The following SMURF2 variants were observed in gnomAD, a reference collection of about 807,000 sequenced individuals.
SMURF2 encodes the protein SMAD specific E3 ubiquitin protein ligase 2.
A neutral mutation model predicts 109.6 loss-of-function variants in SMURF2; 48 were observed. The ratio of observed to expected loss-of-function variants is 0.44; its 90% confidence interval spans 0.35 to 0.56. The LOEUF (loss-of-function observed/expected upper bound fraction) is 0.56, where lower values mean the gene tolerates loss of function less well. Ranked by LOEUF, SMURF2 falls within the 20% of genes least tolerant of loss-of-function variation. The pLI is 0.01. For synonymous variants in SMURF2, 288 were observed against 317.1 expected (o/e 0.91, Z 0.97); for missense variants, 575 against 909.0 (o/e 0.63, Z 4.72).
chr17:64,586,507 G>A (rs1228716295), intron 5 of SMURF2, among the ~76,000 whole-genome samples: 2 of 152,008 alleles, frequency 1.3e-5, no homozygotes, highest in African/African-American at 4.8e-5. Context: ...CCAGCACTTT[G>A]GGAGGCCGAG....
chr17:64,660,025 C>T (rs1970754342), intron 1 of SMURF2, among the ~76,000 whole-genome samples: 1 of 152,052 alleles, frequency 6.6e-6, no homozygotes, highest in Non-Finnish European at 1.5e-5. Context: ...CAATATTCCC[C>T]CTTCCCCTAA....
intron 1 of SMURF2, among the ~76,000 whole-genome samples, chr17:64,631,680 A>C (rs1209718036): frequency 2.0e-5 from 3 of 152,170 alleles, no homozygotes; most frequent in African/African-American, 7.2e-5. Flanking sequence ...ACCATGAAAC[A>C]AACAAAAAAC....
intron 1 of SMURF2, among the ~76,000 whole-genome samples, chr17:64,614,159 A>G (rs1322024985): frequency 6.6e-6 from 1 of 152,192 alleles, no homozygotes; most frequent in Non-Finnish European, 1.5e-5. Context: ...CCCATGGCCC[A>G]GGGTTGAGGA....
At chr17:64,607,623 CAAA>C (rs59894966) in intron 1 of SMURF2, among the ~76,000 whole-genome samples, 5 of 99,838 alleles carry the variant, frequency 5.0e-5, no homozygotes, top group Admixed American at 1.0e-4. Flanking sequence ...AAGACTGTCT[CAAA>C]AAAAAAAAAA....
At chr17:64,599,823 C>T (rs1969869225) in intron 2 of SMURF2, among the ~76,000 whole-genome samples, 1 of 152,162 alleles carries the variant, frequency 6.6e-6, no homozygotes, top group Admixed American at 6.5e-5. Context: ...CTTTAAAGGG[C>T]ATACAGGAGA....
chr17:64,612,112 CTT>C (rs3030767), intron 1 of SMURF2, among the ~76,000 whole-genome samples: 22,272 of 152,030 alleles, frequency 0.15, 2,570 homozygotes, highest in African/African-American at 0.31. Flanking sequence ...GAAGCTCATA[CTT>C]TTATAAACAC....
chr17:64,632,565 TAGTC>T (rs1184741680), intron 1 of SMURF2, among the ~76,000 whole-genome samples: 3 of 152,198 alleles, frequency 2.0e-5, no homozygotes, highest in Admixed American at 6.5e-5. Context: ...TCAAAACACA[TAGTC>T]AGCCTATTTG....
Position 64,591,065 on chromosome 17 carries a change from C to CTTTAAA in SMURF2, c.400+13_400+18dup. 2 of 1,599,272 alleles carry CTTTAAA rather than the reference C, an allele frequency of 1.3e-6. No individual in the cohort carries two copies. Among genetic ancestry groups the CTTTAAA allele is most frequent in the Non-Finnish European group, 1.7e-6 (2 of 1,170,616 alleles). ...CAGTTTGAAACCAAAATTCATGTAA[C>CTTTAAA]TTTAAATTCCACACTTACCTACTAT... On this transcript the variant is annotated intron_variant, in intron 5 of 18. Coordinates refer to ENST00000262435, the MANE Select transcript of SMURF2 (RefSeq NM_022739.4).
intron 1 of SMURF2, among the ~76,000 whole-genome samples, chr17:64,661,540 T>G (rs142271157): frequency 0.05 from 7,641 of 152,208 alleles, 490 homozygotes; most frequent in African/African-American, 0.15. Flanking sequence ...AGGCAGCGTC[T>G]GGCTCCTTGA....
chr17:64,618,247 A>G (rs1393691535), intron 1 of SMURF2, among the ~76,000 whole-genome samples: 1 of 152,206 alleles, frequency 6.6e-6, no homozygotes, highest in Non-Finnish European at 1.5e-5. Flanking sequence ...AGCCTGGGCA[A>G]TATAGTGAGA....
chr17:64,604,616 A>T (rs1969943782), intron 2 of SMURF2, among the ~76,000 whole-genome samples: 1 of 152,178 alleles, frequency 6.6e-6, no homozygotes, highest in South Asian at 2.1e-4. Flanking sequence ...TCAAAACCAG[A>T]GCAGATGTCT....
At chr17:64,561,833 C>G (rs1304847081) in intron 11 of SMURF2, among the ~76,000 whole-genome samples, 1 of 151,758 alleles carries the variant, frequency 6.6e-6, no homozygotes, top group Non-Finnish European at 1.5e-5. Context: ...TCTGTCTATA[C>G]AAAAAGTTTT....
Position 64,543,705 on chromosome 17 carries a change from CCT to C in SMURF2, c.*2141_*2142del, listed in dbSNP as rs1968907734. The C allele has an allele frequency of 6.6e-6, 1 of 151,958 alleles. No homozygotes were observed. Among genetic ancestry groups the C allele is most frequent in the African/African-American group, 2.4e-5 (1 of 41,346 alleles). 9.4% of individuals were successfully genotyped at this position (151,958 alleles called of 1,614,324 possible). A position where few individuals can be genotyped will look rare whatever the true frequency, so the allele number is the denominator to read the frequency against. On this transcript the variant is annotated 3_prime_UTR_variant, in exon 19 of 19. Transcript: ENST00000262435. The stretch of plus-strand genomic sequence containing the variant: ...AGTAGCATTTCATTATTACTGTATC[CCT>C]GTCAGTTATGATTTCTGTATTCATT...
chr17:64,602,921 T>C (rs1426992473), intron 2 of SMURF2, among the ~76,000 whole-genome samples: 1 of 151,718 alleles, frequency 6.6e-6, no homozygotes, highest in Non-Finnish European at 1.5e-5. Flanking sequence ...ACAGACTTTG[T>C]CTCAAGGGAA....
At chr17:64,658,321 A>C (rs1425643769) in intron 1 of SMURF2, among the ~76,000 whole-genome samples, 1 of 152,152 alleles carries the variant, frequency 6.6e-6, no homozygotes, top group South Asian at 2.1e-4. Flanking sequence ...CAAGCCCTTC[A>C]ACTCCAGTCA....
chr17:64,584,640 A>T (rs1256970264), intron 6 of SMURF2, among the ~76,000 whole-genome samples: 1 of 152,170 alleles, frequency 6.6e-6, no homozygotes, highest in African/African-American at 2.4e-5. Flanking sequence ...TACAGGCGTA[A>T]GCCACCATGC....
chr17:64,614,126 C>T (rs1970090397), intron 1 of SMURF2, among the ~76,000 whole-genome samples: 1 of 152,162 alleles, frequency 6.6e-6, no homozygotes, highest in African/African-American at 2.4e-5. Context: ...TGATGCTTCA[C>T]TGGCTCATCT....
chr17:64,651,965 C>T (rs1401631750), intron 1 of SMURF2, among the ~76,000 whole-genome samples: 2 of 152,184 alleles, frequency 1.3e-5, no homozygotes, highest in African/African-American at 2.4e-5. Context: ...CCAACCCACA[C>T]TTAACACACC....
At chr17:64,575,708 GA>G (rs1266007457) in intron 9 of SMURF2, among the ~76,000 whole-genome samples, 3 of 149,670 alleles carry the variant, frequency 2.0e-5, no homozygotes, top group African/African-American at 4.9e-5. Flanking sequence ...CTTTAGGCAG[GA>G]AAAAAAAACA....
Sources: allele counts gnomAD v4.1 joint callset (sites outside exome capture counted in the v4.1 genomes callset), GRCh38; gene constraint gnomAD v4.1.1; transcripts MANE v1.5; gene names NCBI Gene and HGNC (gene_info 2026-07-23, HGNC 2026-07-21).